SULF1: variants seen among roughly 807,000 people sequenced by gnomAD.
The protein encoded by SULF1 is extracellular sulfatase Sulf-1.
A neutral mutation model predicts 110.5 loss-of-function variants in SULF1; 46 were observed. That is an observed-to-expected ratio of 0.42 (90% CI 0.33 to 0.53). The LOEUF is 0.53. Among genes scored for constraint, SULF1 ranks in the 20% least tolerant of loss-of-function variants. The probability of loss-of-function intolerance (pLI) is 0.12; values close to 1 mark genes in which losing one functional copy is unlikely to be tolerated. For missense variants in SULF1, 941 were observed against 1,094.2 expected (o/e 0.86, Z 1.98); for synonymous variants, 371 against 387.1 (o/e 0.96, Z 0.49).
chr8:69,515,185 C>A (rs540075426), intron 3 of SULF1, among the ~76,000 whole-genome samples: 1 of 152,310 alleles, frequency 6.6e-6, no homozygotes, highest in African/African-American at 2.4e-5. Flanking sequence ...GGGCTCCACT[C>A]CTGCAGCAGA....
chr8:69,611,623 C>T (rs893761040), intron 13 of SULF1, among the ~76,000 whole-genome samples: 2 of 152,104 alleles, frequency 1.3e-5, no homozygotes, highest in Non-Finnish European at 2.9e-5. Flanking sequence ...AAACACATGT[C>T]CACATGCAGG....
At chr8:69,539,216 A>T (rs1278547526) in intron 3 of SULF1, among the ~76,000 whole-genome samples, 3 of 152,158 alleles carry the variant, frequency 2.0e-5, no homozygotes, top group Admixed American at 6.5e-5. Context: ...ACAACTTAAA[A>T]GCTGAGAAAT....
chr8:69,511,392 G>T (rs1317794083), intron 3 of SULF1, among the ~76,000 whole-genome samples: 1 of 152,142 alleles, frequency 6.6e-6, no homozygotes. Flanking sequence ...AGATCCTCCT[G>T]ATGGAGACTT....
chr8:69,537,261 G>A (rs188032251), intron 3 of SULF1, among the ~76,000 whole-genome samples: 6 of 152,274 alleles, frequency 3.9e-5, no homozygotes, highest in Admixed American at 3.3e-4. Flanking sequence ...GACAGCATCT[G>A]GTACACAGTA....
intron 22 of SULF1, among the ~76,000 whole-genome samples, chr8:69,646,646 TTC>T (rs1811932078): frequency 1.3e-5 from 2 of 152,230 alleles, no homozygotes; most frequent in East Asian, 1.9e-4. Context: ...CTAAATAACT[TTC>T]CCAAGATTAC....
At chr8:69,627,401 T>G in intron 16 of SULF1, 95 bp downstream of exon 16, 2 of 817,872 alleles carry the variant, frequency 2.4e-6, no homozygotes, top group Non-Finnish European at 2.0e-6. Flanking sequence ...CAGATACACA[T>G]CATCTATAAT....
rs1810971402 is a variant in SULF1, at chr8:69,636,073, A to G, written c.2285-2429A>G. ...ACATAGTGCACAAGGAATGCTCATT[A>G]CGTGTACCTATCCTATTAGGTTGGT... On this transcript the variant is annotated intron_variant, in intron 19 of 22. Transcript: ENST00000402687. Among the ~76,000 whole-genome samples, 2 of 152,194 alleles carry G rather than the reference A, an allele frequency of 1.3e-5. 1 individual carries two copies. The highest frequency in any genetic ancestry group is 4.1e-4 in the South Asian group (2 of 4,836).
At chr8:69,546,783 T>C (rs140727931) in intron 3 of SULF1, among the ~76,000 whole-genome samples, 5 of 152,346 alleles carry the variant, frequency 3.3e-5, no homozygotes, top group African/African-American at 1.2e-4. Context: ...CATCATAATG[T>C]TGCTAAAATT....
chr8:69,596,464 A>G (rs1807342076), intron 8 of SULF1, among the ~76,000 whole-genome samples: 1 of 152,144 alleles, frequency 6.6e-6, no homozygotes, highest in African/African-American at 2.4e-5. Flanking sequence ...TTTATTCTGT[A>G]TTTGCAACAA....
intron 22 of SULF1, among the ~76,000 whole-genome samples, chr8:69,653,202 T>C (rs1481401682): frequency 6.6e-6 from 1 of 152,160 alleles, no homozygotes; most frequent in African/African-American, 2.4e-5. Context: ...TCTGAGTAGC[T>C]GGGATTACAG....
chr8:69,529,211 T>C (rs1244498826), intron 3 of SULF1, among the ~76,000 whole-genome samples: 2 of 152,138 alleles, frequency 1.3e-5, no homozygotes, highest in African/African-American at 4.8e-5. Context: ...ACCATTATGC[T>C]AGGTGCCAAA....
At chr8:69,501,734 A>T (rs997857456) in intron 2 of SULF1, 140 bp from the exon 3 acceptor site, 1 of 152,220 alleles carries the variant, frequency 6.6e-6, no homozygotes, top group African/African-American at 2.4e-5. Context: ...TGATTGTAAG[A>T]AAATCGGTCT....
At chr8:69,547,972 C>A (rs953890874) in intron 3 of SULF1, among the ~76,000 whole-genome samples, 1 of 152,082 alleles carries the variant, frequency 6.6e-6, no homozygotes. Context: ...CCAGCTCAAT[C>A]TTCTCTAAGT....
intron 2 of SULF1, among the ~76,000 whole-genome samples, chr8:69,498,551 G>T (rs1810550479): frequency 6.6e-6 from 1 of 152,110 alleles, no homozygotes; most frequent in Non-Finnish European, 1.5e-5. Flanking sequence ...AGAGAGATGA[G>T]ACCATCCTGC....
chr8:69,524,889 G>A (rs2150623475), intron 3 of SULF1, among the ~76,000 whole-genome samples: 1 of 152,202 alleles, frequency 6.6e-6, no homozygotes, highest in South Asian at 2.1e-4. Context: ...ACACGTAGAT[G>A]GTCTAGGCTT....
rs145551037 is a variant in SULF1, at chr8:69,580,562, T to C, written c.412+4353T>C. ...GGCCTAGAATGATTCCTAAGTTTTC[T>C]TTCTTGTCCAAAGTTACAGTGTGTT... On this transcript the variant is annotated intron_variant, in intron 6 of 22. Transcript: ENST00000402687. Among the ~76,000 whole-genome samples, 100 of 152,336 alleles carry C rather than the reference T, an allele frequency of 6.6e-4. 1 individual carries two copies. The highest frequency in any genetic ancestry group is 2.2e-3 in the African/African-American group (93 of 41,580).
chr8:69,583,344 G>A (rs138633668), intron 6 of SULF1, among the ~76,000 whole-genome samples: 4 of 151,546 alleles, frequency 2.6e-5, no homozygotes, highest in East Asian at 2.0e-4. Context: ...CAGATGGATC[G>A]ATCACCTGAG....
chr8:69,623,988 C>T lies in SULF1; in HGVS notation c.1641C>T (p.Ser547=), dbSNP rs777292108. ...ATACTCGGCAGACACGTTCCTTGTC[C>T]GTCGAATTTGAAGGTGAAATATATG... ...FVHTRQTRSL[S]VEFEGEIYDI... is the part of the protein sequence containing the mutation. The change falls in exon 15 of 23, where the codon TCC becomes TCT. Residue 547 remains serine, a synonymous_variant. Coordinates refer to ENST00000402687, the MANE Select transcript of SULF1 (RefSeq NM_001128205.2). 23 of 1,614,018 alleles carry T rather than the reference C, an allele frequency of 1.4e-5. No individual in the cohort carries two copies. In the Admixed American group the frequency reaches 1.5e-4, roughly 11 times the overall value.
At chr8:69,626,669 G>C (rs969112061) in intron 15 of SULF1, among the ~76,000 whole-genome samples, 7 of 152,226 alleles carry the variant, frequency 4.6e-5, no homozygotes, top group Non-Finnish European at 5.9e-5. Flanking sequence ...CGAGCGCAGC[G>C]CCGGTGGGCT....
Sources: gnomAD v4.1 joint callset for allele counts (sites outside exome capture counted in the v4.1 genomes callset) on GRCh38, gnomAD v4.1.1 for gene constraint, MANE v1.5 for transcripts, NCBI Gene and HGNC (gene_info 2026-07-23, HGNC 2026-07-21) for gene names.